The following RAB11FIP3 variants were observed in gnomAD, a reference collection of about 807,000 sequenced individuals.
RAB11FIP3 encodes the protein RAB11 family interacting protein 3, also known as rab11 family-interacting protein 3.
Under a neutral mutation model 77.8 loss-of-function variants are expected in RAB11FIP3, and 17 were observed. That is an observed-to-expected ratio of 0.22 (90% CI 0.15 to 0.33). The LOEUF is 0.33. Ranked by LOEUF, RAB11FIP3 falls within the 10% of genes least tolerant of loss-of-function variation. The pLI, the probability that RAB11FIP3 is intolerant of heterozygous loss-of-function variation, is 1.00. For synonymous variants in RAB11FIP3, 437 were observed against 448.2 expected, an observed-to-expected ratio of 0.98 and a Z score of 0.31; for missense variants, 1,005 against 1,011.2, an observed-to-expected ratio of 0.99 and a Z score of 0.08.
chr16:440,326 T>A (rs1291340574), intron 1 of RAB11FIP3, among the ~76,000 whole-genome samples: 1 of 152,156 alleles, frequency 6.6e-6, no homozygotes, highest in Non-Finnish European at 1.5e-5. Flanking sequence ...AGATGGGGTT[T>A]CGCCATGTTT....
chr16:494,143 C>T (rs2141822727), intron 5 of RAB11FIP3, among the ~76,000 whole-genome samples: 1 of 138,620 alleles, frequency 7.2e-6, no homozygotes, highest in Non-Finnish European at 1.6e-5. Context: ...CCCGCCTCGG[C>T]CTCCCAAAGT....
chr16:491,338 C>G lies in RAB11FIP3; in HGVS notation c.1265+2338C>G, dbSNP rs1357689167. ...GGGGACTCCGGATACCCACAGCCCC[C>G]TTGAGGGCCTGCCCCGAGGCGACCA... On this transcript the variant is annotated intron_variant, in intron 5 of 13. Coordinates refer to ENST00000262305, the MANE Select transcript of RAB11FIP3 (RefSeq NM_014700.4). 4 of 1,266,172 alleles carry G rather than the reference C, an allele frequency of 3.2e-6. No homozygotes were observed. In the East Asian group the frequency reaches 2.3e-4, roughly 74 times the overall value. The allele number at this position is 1,266,172 out of a possible 1,614,324, so 78.4% of individuals were successfully genotyped here. A position where few individuals can be genotyped will look rare whatever the true frequency, so the allele number is the denominator to read the frequency against.
chr16:431,114 G>T (rs1377280584), intron 1 of RAB11FIP3, among the ~76,000 whole-genome samples: 1 of 152,106 alleles, frequency 6.6e-6, no homozygotes, highest in Non-Finnish European at 1.5e-5. Context: ...GCTGGTGTGT[G>T]TGTGTGTAAT....
chr16:486,723 A>G (rs1316182385), intron 4 of RAB11FIP3, among the ~76,000 whole-genome samples: 1 of 152,126 alleles, frequency 6.6e-6, no homozygotes, highest in East Asian at 1.9e-4. Flanking sequence ...GTCAAGCATC[A>G]GGAAGAAGTG....
intron 1 of RAB11FIP3, among the ~76,000 whole-genome samples, chr16:435,256 A>G (rs905108137): frequency 6.6e-6 from 1 of 152,100 alleles, no homozygotes; most frequent in Non-Finnish European, 1.5e-5. Context: ...TTAGGATCTA[A>G]CATACAGGAA....
intron 1 of RAB11FIP3, among the ~76,000 whole-genome samples, chr16:447,539 C>T (rs895351052): frequency 6.6e-6 from 1 of 152,028 alleles, no homozygotes; most frequent in Non-Finnish European, 1.5e-5. Flanking sequence ...AGATCGAGAC[C>T]ATCCTGGCTA....
In RAB11FIP3 at chr16:507,960, G is replaced by A. The variant is rs981425409; in HGVS notation, c.1499+2333G>A. On this transcript the variant is annotated intron_variant, in intron 8 of 13. Transcript: ENST00000262305. The surrounding 1 kb of genome is among the most constrained non-coding windows in gnomAD (Gnocchi z 4.6). Reference sequence around the variant, plus strand: ...GAGCCATTTGCTCTCTAGCTGTGCCGTACAGCTGCCATCCTAGGAATTCCG... The same window carrying A: ...GAGCCATTTGCTCTCTAGCTGTGCCATACAGCTGCCATCCTAGGAATTCCG... Among the ~76,000 whole-genome samples, 4 of 152,088 alleles carry A rather than the reference G, an allele frequency of 2.6e-5. No homozygotes were observed. The highest frequency in any genetic ancestry group is 5.9e-5 in the Non-Finnish European group (4 of 68,030).
chr16:425,901 G>A lies in RAB11FIP3; in HGVS notation c.-106G>A, dbSNP rs1407395159. ...CCAGCCCCAGCAGCCCGGGCGCCCC[G>A]CGCGCGCCCGCCCGCGCCGCCGAGG... On this transcript the variant is annotated 5_prime_UTR_variant, in exon 1 of 14. Transcript: ENST00000262305. 4.3e-4 allele frequency: 114 copies of A among 263,212 alleles called. 1 individual carries two copies. Among genetic ancestry groups the A allele is most frequent in the African/African-American group, 2.5e-3 (109 of 42,878 alleles). 16.3% of individuals were successfully genotyped at this position (263,212 alleles called of 1,614,324 possible). A position where few individuals can be genotyped will look rare whatever the true frequency, so the allele number is the denominator to read the frequency against.
At chr16:484,582 G>A (rs8060589) in intron 4 of RAB11FIP3, among the ~76,000 whole-genome samples, 85,811 of 151,960 alleles carry the variant, frequency 0.56, 24,459 homozygotes, top group Middle Eastern at 0.66. Flanking sequence ...CCAACCCCTG[G>A]CCTCAGGCGA....
At chr16:512,209 G>T (rs908947969) in intron 9 of RAB11FIP3, among the ~76,000 whole-genome samples, 7 of 144,592 alleles carry the variant, frequency 4.8e-5, no homozygotes, top group Admixed American at 2.1e-4. Flanking sequence ...AACGTATCCA[G>T]TCTTTTTAAA....
chr16:494,664 G>A (rs8046866), intron 5 of RAB11FIP3, among the ~76,000 whole-genome samples: 103,853 of 151,844 alleles, frequency 0.68, 36,780 homozygotes, highest in African/African-American at 0.88. Flanking sequence ...TTAGTCTCCA[G>A]TCGAGAAAGG....
rs1281276446 is a variant in RAB11FIP3 at position 452,602 on chromosome 16, T to A, written c.715-8802T>A. Among the ~76,000 whole-genome samples, 208 of 122,524 alleles carry A rather than the reference T, an allele frequency of 1.7e-3. No individual in the cohort carries two copies. In the Middle Eastern group the frequency reaches 0.021, roughly 12 times the overall value. 80.4% of individuals were successfully genotyped at this position (122,524 alleles called of 152,430 possible). ...GGCGCCCGCCACCACGCCCGGCTAA[T>A]TTTTTGTATTTTTAGTAGAGATGGG... On this transcript the variant is annotated intron_variant, in intron 1 of 13. Transcript: ENST00000262305.
intron 5 of RAB11FIP3, chr16:491,219 A>G (rs199658760): frequency 3.0e-5 from 39 of 1,304,772 alleles, no homozygotes; most frequent in Middle Eastern, 2.1e-4. Context: ...CAAACAAATC[A>G]ACCGCCTTGA....
At chr16:497,162 G>T (rs1047863505) in intron 6 of RAB11FIP3, 16 of 799,798 alleles carry the variant, frequency 2.0e-5, no homozygotes, top group Non-Finnish European at 2.7e-5. Context: ...CTCTATGTTA[G>T]CTCTGAGGTA....
At chr16:492,130 C>T (rs191192944) in intron 5 of RAB11FIP3, among the ~76,000 whole-genome samples, 58 of 152,348 alleles carry the variant, frequency 3.8e-4, no homozygotes, top group African/African-American at 7.9e-4. Context: ...TCCTTGCTGG[C>T]GGGCGCTCAC....
At chr16:480,195 G>C (rs2056006921) in intron 3 of RAB11FIP3, among the ~76,000 whole-genome samples, 1 of 138,706 alleles carries the variant, frequency 7.2e-6, no homozygotes, top group African/African-American at 2.6e-5. Context: ...TGAGGCAGGA[G>C]AATCTTTTGA....
At chr16:442,126 C>T (rs1028669584) in intron 1 of RAB11FIP3, among the ~76,000 whole-genome samples, 3 of 152,186 alleles carry the variant, frequency 2.0e-5, no homozygotes, top group Admixed American at 6.6e-5. Context: ...CATGAGCCAC[C>T]GCGCCTGGCC....
At chr16:494,799 C>A in intron 5 of RAB11FIP3, among the ~76,000 whole-genome samples, 1 of 148,292 alleles carries the variant, frequency 6.7e-6, no homozygotes, top group African/African-American at 2.6e-5. Flanking sequence ...GAGGTCGAGG[C>A]TGCAGAGGTG....
chr16:472,819 G>A lies in RAB11FIP3; in HGVS notation c.903+1430G>A, dbSNP rs1407755278. ...CCTTATTTGGAAAAAGGGTCTTTGCGGATGTAGTTCATTAAGGATCTCAAG... is the reference window on the plus strand; with the variant it reads ...CCTTATTTGGAAAAAGGGTCTTTGCAGATGTAGTTCATTAAGGATCTCAAG... On this transcript the variant is annotated intron_variant, in intron 3 of 13. Coordinates refer to ENST00000262305, the MANE Select transcript of RAB11FIP3 (RefSeq NM_014700.4). The surrounding 1 kb of genome is among the most constrained non-coding windows in gnomAD (Gnocchi z 4.1). 3.3e-5 allele frequency among the ~76,000 whole-genome samples: 5 copies of A among 152,148 alleles called. No individual in the cohort carries two copies. The highest frequency in any genetic ancestry group is 6.6e-5 in the Admixed American group (1 of 15,260).
Sources: allele counts gnomAD v4.1 joint callset (sites outside exome capture counted in the v4.1 genomes callset), GRCh38; gene constraint gnomAD v4.1.1; non-coding constraint Gnocchi (gnomAD v3.1); transcripts MANE v1.5; gene names NCBI Gene and HGNC (gene_info 2026-07-23, HGNC 2026-07-21).